ACO2: variants seen among roughly 807,000 people sequenced by gnomAD.
The protein encoded by ACO2 is aconitate hydratase, mitochondrial.
Under a neutral mutation model 84.5 loss-of-function variants are expected in ACO2, and 31 were observed. The observed-to-expected ratio is 0.37, with a 90% CI of 0.28 to 0.50. The LOEUF (loss-of-function observed/expected upper bound fraction) is 0.50, where lower values mean the gene tolerates loss of function less well. ACO2 is among the 20% of genes least tolerant of loss of function. The probability of loss-of-function intolerance (pLI) is 0.97; values close to 1 mark genes in which losing one functional copy is unlikely to be tolerated. For missense variants in ACO2, 685 were observed against 1,029.3 expected (o/e 0.67, Z 4.58); for synonymous variants, 414 against 412.7 (o/e 1.00, Z -0.04).
At chr22:41,525,655 TGGGACA>T in intron 14 of ACO2, 1 of 390,240 alleles carries the variant, frequency 2.6e-6, no homozygotes, top group Admixed American at 3.9e-5. Flanking sequence ...CAGGCTGGGC[TGGGACA>T]GTGTGTGTGA....
intron 1 of ACO2, among the ~76,000 whole-genome samples, chr22:41,473,678 TA>T (rs1230376336): frequency 6.6e-6 from 1 of 151,986 alleles, no homozygotes; most frequent in East Asian, 1.9e-4. Flanking sequence ...GTAGAGAGAA[TA>T]GGGGTGGGAA....
In ACO2 at chr22:41,515,306, G is replaced by A; in HGVS notation, c.526-71G>A. The A allele has an allele frequency of 6.3e-7, 1 of 1,578,212 alleles. No individual in the cohort carries two copies. The highest frequency in any genetic ancestry group is 8.7e-7 in the Non-Finnish European group (1 of 1,150,458). ...GGCTGGACGTGGTTGGGAGGCCCCG[G>A]GTCAGTGGGGCCATTTTTTGGTATT... On this transcript the variant is annotated intron_variant, in intron 4 of 17. Transcript: ENST00000216254. This position sits in a 1 kb window ranked among gnomAD's most constrained non-coding sequence, Gnocchi z 5.8.
chr22:41,503,878 C>G (rs1421226332), intron 2 of ACO2, among the ~76,000 whole-genome samples: 1 of 152,154 alleles, frequency 6.6e-6, no homozygotes, highest in Non-Finnish European at 1.5e-5. Context: ...CTGAGAAACC[C>G]TGACACGGAG....
chr22:41,472,814 G>T (rs1415788037), intron 1 of ACO2, among the ~76,000 whole-genome samples: 1 of 152,156 alleles, frequency 6.6e-6, no homozygotes, highest in Non-Finnish European at 1.5e-5. Context: ...TTGTGCATAT[G>T]ACTGAGTAGT....
At chr22:41,502,671 C>T (rs1395449132) in intron 2 of ACO2, among the ~76,000 whole-genome samples, 1 of 152,130 alleles carries the variant, frequency 6.6e-6, no homozygotes, top group Non-Finnish European at 1.5e-5. Flanking sequence ...TGCAGTTGTG[C>T]AATCTCGGCT....
At chr22:41,477,894 G>A (rs1034171587) in intron 1 of ACO2, among the ~76,000 whole-genome samples, 5 of 151,814 alleles carry the variant, frequency 3.3e-5, no homozygotes, top group African/African-American at 4.8e-5. Flanking sequence ...GTGAAACCCC[G>A]TCTCTACTAA....
At chr22:41,516,191 T>C (rs2066474891) in intron 6 of ACO2, 1 of 608,308 alleles carries the variant, frequency 1.6e-6, no homozygotes, top group African/African-American at 1.8e-5. Flanking sequence ...CCAAGTCAGC[T>C]TCTGCTGCTG....
chr22:41,509,961 G>T (rs1260057590), intron 3 of ACO2, among the ~76,000 whole-genome samples: 2 of 151,392 alleles, frequency 1.3e-5, no homozygotes, highest in Non-Finnish European at 2.9e-5. Flanking sequence ...TCAGCCTCCC[G>T]AGTAGCTGGG....
chr22:41,479,989 C>T (rs1432199735), intron 1 of ACO2, among the ~76,000 whole-genome samples: 1 of 152,230 alleles, frequency 6.6e-6, no homozygotes, highest in African/African-American at 2.4e-5. Flanking sequence ...CTTTCCAAGC[C>T]TCTGAAAAGG....
chr22:41,501,425 A>G (rs1232757160), intron 2 of ACO2, among the ~76,000 whole-genome samples: 1 of 152,142 alleles, frequency 6.6e-6, no homozygotes, highest in Non-Finnish European at 1.5e-5. Context: ...CACCAAAAGG[A>G]TGAATAAGGT....
At chr22:41,508,150 A>C in intron 3 of ACO2, 101 bp downstream of exon 3, 17 of 1,419,908 alleles carry the variant, frequency 1.2e-5, no homozygotes, top group African/African-American at 1.4e-5. Context: ...CCAAATTCTC[A>C]CACCTCTTTG....
At chr22:41,516,112 T>C (rs994985532) in intron 6 of ACO2, 195 bp downstream of exon 6, 4 of 724,534 alleles carry the variant, frequency 5.5e-6, no homozygotes, top group South Asian at 1.7e-5. Context: ...ATTAAACAGA[T>C]GAAGAGATTG....
rs764417972 is a variant in ACO2, at chr22:41,526,402, T to C, written c.1902T>C (p.Asn634=). The C allele has an allele frequency of 6.2e-7, 1 of 1,613,812 alleles. No individual in the cohort carries two copies. The highest frequency in any genetic ancestry group is 8.5e-7 in the Non-Finnish European group (1 of 1,180,018). The stretch of plus-strand genomic sequence containing the variant: ...ACGGCAAGGCCAACTCCGTGCGCAA[T>C]GCCGTCACTCAGGAGTTTGGCCCCG... ...IENGKANSVR[N]AVTQEFGPVP... The change falls in exon 15 of 18, where the codon AAT becomes AAC. Residue 634 remains asparagine, a synonymous_variant. Coordinates refer to ENST00000216254, the MANE Select transcript of ACO2 (RefSeq NM_001098.3).
intron 1 of ACO2, among the ~76,000 whole-genome samples, chr22:41,482,861 G>T (rs2038104942): frequency 6.6e-6 from 1 of 152,226 alleles, no homozygotes. Flanking sequence ...GCAGAGCTGG[G>T]ATTTGAGCCC....
intron 6 of ACO2, chr22:41,516,131 G>C: frequency 1.5e-6 from 1 of 679,304 alleles, no homozygotes. Flanking sequence ...TGAGATACCT[G>C]TCGAGGCTGC....
chr22:41,525,690 A>G (rs1371053046), intron 14 of ACO2: 6 of 294,416 alleles, frequency 2.0e-5, no homozygotes, highest in Non-Finnish European at 3.2e-5. Flanking sequence ...CAGGCTCCAC[A>G]CCTGGCACGT....
At chr22:41,494,321 C>T (rs1443344699) in intron 1 of ACO2, among the ~76,000 whole-genome samples, 1 of 152,070 alleles carries the variant, frequency 6.6e-6, no homozygotes, top group Non-Finnish European at 1.5e-5. Context: ...GAAGATTAGG[C>T]CATGTAATAT....
At chr22:41,506,875 G>C (rs1230114487) in intron 2 of ACO2, among the ~76,000 whole-genome samples, 1 of 152,020 alleles carries the variant, frequency 6.6e-6, no homozygotes, top group Non-Finnish European at 1.5e-5. Flanking sequence ...TGTTGTGGCA[G>C]GCAGGGCGGC....
intron 2 of ACO2, among the ~76,000 whole-genome samples, chr22:41,503,083 A>G (rs1261190142): frequency 6.6e-6 from 1 of 152,216 alleles, no homozygotes; most frequent in Admixed American, 6.5e-5. Context: ...ACAGAGTATT[A>G]TTCACTATTT....
Sources: gnomAD v4.1 joint callset for allele counts (sites outside exome capture counted in the v4.1 genomes callset) on GRCh38, gnomAD v4.1.1 for gene constraint, Gnocchi (gnomAD v3.1) non-coding constraint, MANE v1.5 for transcripts, NCBI Gene and HGNC (gene_info 2026-07-23, HGNC 2026-07-21) for gene names.